MSI2: variants seen among roughly 807,000 people sequenced by gnomAD.
The protein encoded by MSI2 is musashi RNA binding protein 2, also known as RNA-binding protein Musashi homolog 2.
MSI2 carries 17 observed loss-of-function variants against 45.6 expected under a neutral mutation model. The observed-to-expected ratio is 0.37, with a 90% CI of 0.26 to 0.56. The LOEUF (loss-of-function observed/expected upper bound fraction) is 0.56. Among genes scored for constraint, MSI2 ranks in the 20% least tolerant of loss-of-function variants. The pLI, the probability that MSI2 is intolerant of heterozygous loss-of-function variation, is 0.77. For synonymous variants in MSI2, 156 were observed against 158.2 expected (o/e 0.99, Z 0.11); for missense variants, 293 against 444.2 (o/e 0.66, Z 3.06).
chr17:57,504,803 C>T (rs772884368), intron 6 of MSI2, among the ~76,000 whole-genome samples: 3 of 151,812 alleles, frequency 2.0e-5, no homozygotes, highest in East Asian at 1.9e-4. Context: ...AGGTGGCAGG[C>T]GCCTGGAATC....
chr17:57,685,614 C>T (rs1473851061), downstream of MSI2: 2 of 152,224 alleles, frequency 1.3e-5, no homozygotes, highest in Admixed American at 1.3e-4. Flanking sequence ...TTAAGGCATT[C>T]CCGCTACACT....
intron 10 of MSI2, among the ~76,000 whole-genome samples, chr17:57,645,086 A>G (rs1598486702): frequency 6.6e-6 from 1 of 152,204 alleles, no homozygotes; most frequent in South Asian, 2.1e-4. Context: ...AAAAACAAAG[A>G]CCCCAAAGCT....
intron 5 of MSI2, among the ~76,000 whole-genome samples, chr17:57,303,308 A>G (rs1911582083): frequency 6.6e-6 from 1 of 152,228 alleles, no homozygotes; most frequent in Admixed American, 6.5e-5. Flanking sequence ...TTATGTTACG[A>G]AAGAATGGAA....
intron 6 of MSI2, among the ~76,000 whole-genome samples, chr17:57,442,276 C>A (rs866065977): frequency 1.3e-5 from 2 of 152,208 alleles, no homozygotes; most frequent in Middle Eastern, 6.8e-3. Context: ...ACCTTGTGAT[C>A]TGCCCGCCTC....
intron 7 of MSI2, among the ~76,000 whole-genome samples, chr17:57,572,648 G>A (rs533876933): frequency 3.3e-5 from 5 of 152,298 alleles, no homozygotes; most frequent in African/African-American, 7.2e-5. Flanking sequence ...AGGCTAGCAC[G>A]TTGGAGGGAA....
intron 6 of MSI2, among the ~76,000 whole-genome samples, chr17:57,420,441 G>A (rs1295769630): frequency 6.6e-6 from 1 of 152,100 alleles, no homozygotes; most frequent in African/African-American, 2.4e-5. Context: ...TTTGAAAATT[G>A]CCTGTTTGGC....
chr17:57,585,989 T>C (rs1261766417), intron 7 of MSI2, among the ~76,000 whole-genome samples: 1 of 152,238 alleles, frequency 6.6e-6, no homozygotes. Context: ...GCGATTTAAT[T>C]TGGTGAATTT....
intron 6 of MSI2, among the ~76,000 whole-genome samples, chr17:57,456,220 G>A (rs1256119043): frequency 6.6e-6 from 1 of 152,214 alleles, no homozygotes; most frequent in African/African-American, 2.4e-5. Context: ...AACTCGGGGT[G>A]CACACGGGGA....
chr17:57,347,067 A>G lies in MSI2; in HGVS notation c.313-54312A>G, dbSNP rs181507233. The stretch of plus-strand genomic sequence containing the variant: ...GCTGCATCTTAGGCAGATCAAACAC[A>G]TATCAGTTATGCTTATGTCTTTTCA... On this transcript the variant is annotated intron_variant, in intron 5 of 13. Transcript: ENST00000284073. 1.6e-4 allele frequency among the ~76,000 whole-genome samples: 25 copies of G among 152,332 alleles called. No individual in the cohort carries two copies. In the East Asian group the frequency reaches 4.8e-3, roughly 29 times the overall value.
At chr17:57,511,035 C>CAAGCAA (rs202178473) in intron 6 of MSI2, among the ~76,000 whole-genome samples, 7,175 of 152,208 alleles carry the variant, frequency 0.047, 574 homozygotes, top group African/African-American at 0.16. Flanking sequence ...TCAGAAACTC[C>CAAGCAA]AGGGGTATCA....
At chr17:57,281,811 G>A (rs930301276) in intron 5 of MSI2, among the ~76,000 whole-genome samples, 7 of 152,130 alleles carry the variant, frequency 4.6e-5, no homozygotes, top group Admixed American at 3.3e-4. Context: ...GACAACTGCC[G>A]AGGCTACCAG....
At chr17:57,597,465 T>TGAAAAA (rs1905358797) in intron 8 of MSI2, among the ~76,000 whole-genome samples, 1 of 46,024 alleles carries the variant, frequency 2.2e-5, no homozygotes, top group Admixed American at 2.6e-4. Context: ...ACCTCATCTC[T>TGAAAAA]TAAAAAAAAA....
chr17:57,573,346 C>T (rs927435297), intron 7 of MSI2, among the ~76,000 whole-genome samples: 6 of 152,210 alleles, frequency 3.9e-5, no homozygotes, highest in African/African-American at 1.4e-4. Context: ...CAAGTGCCCT[C>T]CTACATTATC....
intron 7 of MSI2, among the ~76,000 whole-genome samples, chr17:57,591,502 C>T (rs1248775679): frequency 6.6e-6 from 1 of 151,984 alleles, no homozygotes; most frequent in East Asian, 1.9e-4. Context: ...GCAGGAGGAT[C>T]GCTTGAGCCC....
intron 11 of MSI2, among the ~76,000 whole-genome samples, chr17:57,662,166 C>T (rs1372743422): frequency 6.6e-6 from 1 of 152,098 alleles, no homozygotes; most frequent in East Asian, 1.9e-4. Flanking sequence ...TCTCCCTTCC[C>T]AGCTTGGGAT....
At chr17:57,592,087 G>A (rs1198958794) in intron 7 of MSI2, among the ~76,000 whole-genome samples, 6 of 151,416 alleles carry the variant, frequency 4.0e-5, no homozygotes, top group South Asian at 2.1e-4. Flanking sequence ...CAGGAGAATC[G>A]CATGAGCCTG....
chr17:57,437,609 G>T (rs2084713396), intron 6 of MSI2, among the ~76,000 whole-genome samples: 1 of 152,126 alleles, frequency 6.6e-6, no homozygotes, highest in Admixed American at 6.5e-5. Flanking sequence ...TTTGTCCTTG[G>T]CTCTCTTTTC....
chr17:57,277,053 CTTTTTTTTT>C (rs34561938), intron 5 of MSI2, among the ~76,000 whole-genome samples: 2 of 124,996 alleles, frequency 1.6e-5, no homozygotes, highest in Non-Finnish European at 3.4e-5. Flanking sequence ...GTTTTCTTTT[CTTTTTTTTT>C]TTTTTTTTTT....
intron 11 of MSI2, among the ~76,000 whole-genome samples, chr17:57,674,710 G>GT (rs930399325): frequency 6.6e-6 from 1 of 152,094 alleles, no homozygotes; most frequent in Non-Finnish European, 1.5e-5. Context: ...TTGAATGATT[G>GT]TTTTTTTATT....
Sources: gnomAD v4.1 joint callset for allele counts (sites outside exome capture counted in the v4.1 genomes callset) on GRCh38, gnomAD v4.1.1 for gene constraint, MANE v1.5 for transcripts, NCBI Gene and HGNC (gene_info 2026-07-23, HGNC 2026-07-21) for gene names.